AZIN2: variants seen among roughly 807,000 people sequenced by gnomAD.
The protein encoded by AZIN2 is ODC antizyme inhibitor-2.
Under a neutral mutation model 47.8 loss-of-function variants are expected in AZIN2, and 28 were observed. The ratio of observed to expected loss-of-function variants is 0.59; its 90% CI spans 0.43 to 0.80. AZIN2 has a LOEUF of 0.80. Among genes scored for constraint, AZIN2 ranks in the 30% least tolerant of loss-of-function variants. AZIN2 has a pLI of 0.00. For missense variants in AZIN2, 535 were observed against 582.5 expected (o/e 0.92, Z 0.84); for synonymous variants, 221 against 239.4 (o/e 0.92, Z 0.71).
At position 33,120,388 on chromosome 1, in the gene AZIN2, C is replaced by T. The variant is rs923138970; in HGVS notation, c.*206C>T. 2 of 715,124 alleles carry T rather than the reference C, an allele frequency of 2.8e-6. No individual in the cohort carries two copies. Among genetic ancestry groups the T allele is most frequent in the African/African-American group, 1.8e-5 (1 of 55,456 alleles). 44.3% of individuals were successfully genotyped at this position (715,124 alleles called of 1,614,324 possible). A position where few individuals can be genotyped will look rare whatever the true frequency, so the allele number is the denominator to read the frequency against. Reference sequence around the variant, plus strand: ...TCAAGTATGCAACATAAATCCTGTTCCTTCCAGCTGTGTCTGCCTCCTCTG... The same window carrying T: ...TCAAGTATGCAACATAAATCCTGTTTCTTCCAGCTGTGTCTGCCTCCTCTG... On this transcript the variant is annotated 3_prime_UTR_variant, in exon 12 of 12. Coordinates refer to ENST00000294517, the MANE Select transcript of AZIN2 (RefSeq NM_052998.4).
rs114606570 is a variant in AZIN2, at chr1:33,094,953, C to T, written c.753+240C>T. Among the ~76,000 whole-genome samples, 785 of 152,318 alleles carry T rather than the reference C, an allele frequency of 5.2e-3. 3 individuals are homozygous for T. The highest frequency in any genetic ancestry group is 8.6e-3 in the Non-Finnish European group (588 of 68,032). ...ACCTGGTTCTGCCTGCCATGCACTT[C>T]AGCCAATTGGAGGCATAACCAGGAC... is the stretch of plus-strand genomic sequence containing the variant. On this transcript the variant is annotated intron_variant, in intron 8 of 11. Transcript: ENST00000294517.
At chr1:33,103,228 G>A (rs1476067816) in intron 10 of AZIN2, among the ~76,000 whole-genome samples, 2 of 152,078 alleles carry the variant, frequency 1.3e-5, no homozygotes, top group Non-Finnish European at 2.9e-5. Flanking sequence ...GCTTCCCATT[G>A]CTCTCAGAAT....
rs2124643991 is a variant in AZIN2 at position 33,113,587 on chromosome 1, GA to G, written c.1030-4313del. Among the ~76,000 whole-genome samples the G allele has an allele frequency of 6.6e-6, 1 of 152,272 alleles. No individual in the cohort carries two copies. Among genetic ancestry groups the G allele is most frequent in the South Asian group, 2.1e-4 (1 of 4,826 alleles). The stretch of plus-strand genomic sequence containing the variant: ...GCATTTCTCATCATATATAAAATGG[GA>G]ATGATGACAGAAAGCTTCAGACTTG... On this transcript the variant is annotated intron_variant, in intron 10 of 11. Coordinates refer to ENST00000294517, the MANE Select transcript of AZIN2 (RefSeq NM_052998.4). This position sits in a 1 kb window ranked among gnomAD's most constrained non-coding sequence, Gnocchi z 4.1.
At chr1:33,147,428 C>G in the AZIN2 span, 1 of 1,614,128 alleles carries the variant, frequency 6.2e-7, no homozygotes, top group Non-Finnish European at 8.5e-7. The surrounding 1 kb of genome is among the most constrained non-coding windows in gnomAD (Gnocchi z 8.1). Flanking sequence ...TGGTTGCCAT[C>G]GTGCATCACG....
Position 33,094,614 on chromosome 1 carries a change from C to A in AZIN2, c.654C>A (p.Leu218=). Residue 218 remains leucine (L), a synonymous_variant, in exon 8 of 12, where the codon CTC becomes CTA. Coordinates refer to ENST00000294517, the MANE Select transcript of AZIN2 (RefSeq NM_052998.4). ...CTCAGTCCATCGCAGACGCCCGGCT[C>A]GTGTTTGAAATGGGCACCGAGCTGG... ...AYAQSIADAR[L]VFEMGTELGH... The A allele has an allele frequency of 6.2e-7, 1 of 1,614,136 alleles. No individual in the cohort carries two copies. Among genetic ancestry groups the A allele is most frequent in the Non-Finnish European group, 8.5e-7 (1 of 1,180,026 alleles).
At chr1:33,139,698 C>T in the AZIN2 span, among the ~76,000 whole-genome samples, 1 of 152,176 alleles carries the variant, frequency 6.6e-6, no homozygotes, top group African/African-American at 2.4e-5. Context: ...GCAGAGGAAG[C>T]CCCTGCAAAC....
At chr1:33,082,412 T>TGA (rs1196498848) in intron 4 of AZIN2, 58 bp downstream of exon 4, 2 of 1,291,178 alleles carry the variant, frequency 1.5e-6, no homozygotes, top group African/African-American at 3.0e-5. Context: ...AGCTGCCTCC[T>TGA]CAGGAAGGGT....
chr1:33,092,249 G>C (rs1000016877), intron 6 of AZIN2, 27 bp downstream of exon 6: 8 of 1,602,648 alleles, frequency 5.0e-6, no homozygotes, highest in East Asian at 2.2e-5. Context: ...TCATGGGGAG[G>C]CTGGGCTGTG....
At chr1:33,126,771 CA>C (rs1216417787), downstream of AZIN2, among the ~76,000 whole-genome samples, 1 of 152,044 alleles carries the variant, frequency 6.6e-6, no homozygotes, top group East Asian at 1.9e-4. Context: ...GTAGGATCGC[CA>C]AATAAAATAC....
At chr1:33,158,323 G>A in the AZIN2 span, 3 of 1,614,018 alleles carry the variant, frequency 1.9e-6, no homozygotes, top group Non-Finnish European at 2.5e-6. Flanking sequence ...TGGAGGTCGG[G>A]AAGTCTTCAT....
intron 10 of AZIN2, among the ~76,000 whole-genome samples, chr1:33,098,938 A>G (rs555702919): frequency 7.3e-5 from 11 of 151,018 alleles, no homozygotes; most frequent in South Asian, 2.1e-4. Context: ...TAATTTTTGT[A>G]TTTTTAGTAG....
At chr1:33,117,609 G>GT (rs1237779961) in intron 10 of AZIN2, among the ~76,000 whole-genome samples, 1 of 152,138 alleles carries the variant, frequency 6.6e-6, no homozygotes, top group Non-Finnish European at 1.5e-5. Context: ...AGGTACTGTT[G>GT]TTATCCCCAT....
chr1:33,121,354 G>A lies in AZIN2; in HGVS notation c.*1172G>A, dbSNP rs752964596. 6.6e-6 allele frequency among the ~76,000 whole-genome samples: 1 copy of A among 152,204 alleles called. No homozygotes were observed. Among genetic ancestry groups the A allele is most frequent in the Non-Finnish European group, 1.5e-5 (1 of 68,044 alleles). ...TGAGGCAGGTGATCACCTGAGGTCA[G>A]GAGTTCGAGACCAGCCTGGCCAACA... On this transcript the variant is annotated 3_prime_UTR_variant, in exon 12 of 12. Coordinates refer to ENST00000294517, the MANE Select transcript of AZIN2 (RefSeq NM_052998.4).
At chr1:33,086,290 G>A (rs1028992688) in intron 5 of AZIN2, among the ~76,000 whole-genome samples, 1 of 152,186 alleles carries the variant, frequency 6.6e-6, no homozygotes, top group African/African-American at 2.4e-5. Context: ...ATGAGAGATG[G>A]AGGTTCCGCA....
downstream of AZIN2, among the ~76,000 whole-genome samples, chr1:33,127,678 A>G (rs1644866917): frequency 6.6e-6 from 1 of 152,274 alleles, no homozygotes; most frequent in African/African-American, 2.4e-5. Flanking sequence ...GAAAGGCTGT[A>G]CGAACCTAAG....
At chr1:33,126,949 C>G (rs1021829552), downstream of AZIN2, among the ~76,000 whole-genome samples, 3 of 152,242 alleles carry the variant, frequency 2.0e-5, no homozygotes, top group East Asian at 1.9e-4. Context: ...TATGGTAACC[C>G]TACTCTGGCA....
chr1:33,083,260 A>T (rs111969848), intron 4 of AZIN2: 344 of 155,114 alleles, frequency 2.2e-3, no homozygotes, highest in Admixed American at 4.4e-3. Flanking sequence ...TGAGTAAAAA[A>T]GTGTTGCATG....
At chr1:33,137,378 G>C in the AZIN2 span, among the ~76,000 whole-genome samples, 1 of 152,134 alleles carries the variant, frequency 6.6e-6, no homozygotes, top group Non-Finnish European at 1.5e-5. Context: ...GATTAAATGA[G>C]AGGACAGCCC....
chr1:33,084,798 G>A (rs1481986002), intron 5 of AZIN2, among the ~76,000 whole-genome samples: 1 of 151,994 alleles, frequency 6.6e-6, no homozygotes. Context: ...CAGGATTTCA[G>A]CATGTTGGCC....
Sources: gnomAD v4.1 joint callset for allele counts (sites outside exome capture counted in the v4.1 genomes callset) on GRCh38, gnomAD v4.1.1 for gene constraint, Gnocchi (gnomAD v3.1) non-coding constraint, MANE v1.5 for transcripts, NCBI Gene and HGNC (gene_info 2026-07-23, HGNC 2026-07-21) for gene names.